Variants in ZMYM1 observed in about 807,000 individuals in gnomAD.
The protein encoded by ZMYM1 is zinc finger MYM-type protein 1.
A neutral mutation model predicts 60.0 loss-of-function variants in ZMYM1; 39 were observed. The observed-to-expected ratio is 0.65, with a 90% CI of 0.50 to 0.85. The LOEUF (loss-of-function observed/expected upper bound fraction) is 0.85, where lower values mean the gene tolerates loss of function less well. ZMYM1 is among the 40% of genes least tolerant of loss of function. ZMYM1 has a pLI of 0.00. For synonymous variants in ZMYM1, 413 were observed against 454.0 expected (o/e 0.91, Z 1.15); for missense variants, 1,171 against 1,309.5 (o/e 0.89, Z 1.63).
Position 35,095,719 on chromosome 1 carries a change from A to G in ZMYM1, c.97-100A>G, listed in dbSNP as rs1569941727. 4.0e-6 allele frequency: 4 copies of G among 989,290 alleles called. No homozygotes were observed. In the East Asian group the frequency reaches 8.4e-5, roughly 21 times the overall value. The allele number at this position is 989,290 out of a possible 1,614,324, so 61.3% of individuals were successfully genotyped here. On this transcript the variant is annotated intron_variant, in intron 2 of 9. Coordinates refer to ENST00000359858, the MANE Select transcript of ZMYM1 (RefSeq NM_024772.5). ...TTCAATTCAGTTATACAATTCATTG[A>G]CCAGACTTGACCACAATTTATCATT...
intron 1 of ZMYM1, among the ~76,000 whole-genome samples, chr1:35,066,354 C>A (rs566767051): frequency 6.6e-6 from 1 of 152,242 alleles, no homozygotes; most frequent in Admixed American, 6.5e-5. Flanking sequence ...CACGCCACCA[C>A]GCCCAGCTAA....
At chr1:35,085,068 G>A (rs1219013181) in intron 1 of ZMYM1, among the ~76,000 whole-genome samples, 1 of 151,544 alleles carries the variant, frequency 6.6e-6, no homozygotes, top group African/African-American at 2.4e-5. Flanking sequence ...TTTTTTTGGA[G>A]ACAGAGTCTC....
chr1:35,097,791 T>C, intron 4 of ZMYM1: 2 of 521,654 alleles, frequency 3.8e-6, no homozygotes, highest in South Asian at 4.3e-5. Context: ...ATTACAGCCA[T>C]GCACCACCAC....
At chr1:35,081,698 TTTTG>T (rs202087749) in intron 1 of ZMYM1, among the ~76,000 whole-genome samples, 2,467 of 152,230 alleles carry the variant, frequency 0.016, 77 homozygotes, top group African/African-American at 0.056. Flanking sequence ...AAAATTGATT[TTTTG>T]TTTGTTTGTT....
intron 1 of ZMYM1, among the ~76,000 whole-genome samples, chr1:35,085,946 G>A (rs1035642313): frequency 1.3e-5 from 2 of 152,150 alleles, no homozygotes; most frequent in African/African-American, 4.8e-5. Context: ...AATAAAATGA[G>A]TTCCATCCTC....
intron 4 of ZMYM1, among the ~76,000 whole-genome samples, chr1:35,100,398 A>T (rs1643579547): frequency 6.6e-6 from 1 of 151,728 alleles, no homozygotes; most frequent in African/African-American, 2.4e-5. Context: ...AAGGCAGGAG[A>T]ATCACTGGAG....
chr1:35,076,701 G>T (rs1023488243), upstream of ZMYM1, among the ~76,000 whole-genome samples: 20 of 151,566 alleles, frequency 1.3e-4, no homozygotes, highest in African/African-American at 4.8e-4. Context: ...GGGAGGCTGA[G>T]GTGGGCAGAT....
At chr1:35,095,159 A>G (rs1643240873) in intron 2 of ZMYM1, among the ~76,000 whole-genome samples, 1 of 151,998 alleles carries the variant, frequency 6.6e-6, no homozygotes. Context: ...ATTCTGCCCA[A>G]TTAACAATTT....
chr1:35,111,008 TA>T (rs1644068877), intron 7 of ZMYM1, among the ~76,000 whole-genome samples: 1 of 152,166 alleles, frequency 6.6e-6, no homozygotes, highest in Non-Finnish European at 1.5e-5. Flanking sequence ...TATGTATGTT[TA>T]CATCAATATA....
chr1:35,060,208 T>G (rs1368886539), intron 1 of ZMYM1, among the ~76,000 whole-genome samples: 2 of 151,174 alleles, frequency 1.3e-5, no homozygotes, highest in African/African-American at 4.9e-5. Flanking sequence ...TCGCTCTTGT[T>G]GCCCAGGCTA....
intron 1 of ZMYM1, among the ~76,000 whole-genome samples, chr1:35,088,318 T>C (rs1187101001): frequency 2.0e-5 from 3 of 150,592 alleles, no homozygotes; most frequent in Admixed American, 6.7e-5. Context: ...CACAGGATGC[T>C]CAGGCAGGAG....
upstream of ZMYM1, among the ~76,000 whole-genome samples, chr1:35,075,056 T>A (rs1642144436): frequency 6.6e-6 from 1 of 152,066 alleles, no homozygotes; most frequent in Admixed American, 6.6e-5. Flanking sequence ...GAGATGGGGT[T>A]TCACTGTGTT....
At chr1:35,111,397 G>T (rs1001303283) in intron 7 of ZMYM1, among the ~76,000 whole-genome samples, 21 of 152,296 alleles carry the variant, frequency 1.4e-4, no homozygotes, top group African/African-American at 4.6e-4. Context: ...TGATGTTAAG[G>T]TTTATGAATC....
intron 1 of ZMYM1, among the ~76,000 whole-genome samples, chr1:35,086,629 A>G (rs1642668464): frequency 6.6e-6 from 1 of 152,044 alleles, no homozygotes. Flanking sequence ...TCATTATTGT[A>G]ACTGCCTTAT....
intron 4 of ZMYM1, among the ~76,000 whole-genome samples, chr1:35,097,970 G>T (rs539092184): frequency 6.6e-6 from 1 of 152,070 alleles, no homozygotes; most frequent in Non-Finnish European, 1.5e-5. Flanking sequence ...TTTTGAAGAC[G>T]TGTCGTCTTG....
intron 1 of ZMYM1, among the ~76,000 whole-genome samples, chr1:35,086,977 C>T (rs1377374505): frequency 1.4e-5 from 2 of 146,532 alleles, no homozygotes; most frequent in Non-Finnish European, 3.0e-5. Flanking sequence ...GCCACCGCAC[C>T]CAGCCTTTTT....
intron 1 of ZMYM1, among the ~76,000 whole-genome samples, chr1:35,073,391 G>C (rs1365527439): frequency 7.6e-6 from 1 of 131,748 alleles, no homozygotes; most frequent in Non-Finnish European, 1.6e-5. Flanking sequence ...AGGAAAGAAA[G>C]GAAGAGAAAT....
intron 1 of ZMYM1, among the ~76,000 whole-genome samples, chr1:35,081,973 G>A (rs771116771): frequency 1.1e-4 from 16 of 152,194 alleles, no homozygotes; most frequent in Non-Finnish European, 1.9e-4. Context: ...GATGACAGGC[G>A]TGAGCCACTG....
intron 6 of ZMYM1, 29 bp downstream of exon 6, chr1:35,104,798 A>T: frequency 6.3e-7 from 1 of 1,575,314 alleles, no homozygotes; most frequent in Non-Finnish European, 8.7e-7. Flanking sequence ...TGTTTCTTCT[A>T]TTAACTGGCC....
Sources: gnomAD v4.1 joint callset for allele counts (sites outside exome capture counted in the v4.1 genomes callset) on GRCh38, gnomAD v4.1.1 for gene constraint, MANE v1.5 for transcripts, NCBI Gene and HGNC (gene_info 2026-07-23, HGNC 2026-07-21) for gene names.